Variants in SH3GLB2 observed in about 807,000 individuals in gnomAD.
SH3GLB2 encodes the protein SH3 domain containing GRB2 like, endophilin B2.
Under a neutral mutation model 48.0 loss-of-function variants are expected in SH3GLB2, and 24 were observed. The observed-to-expected ratio is 0.50, with a 90% confidence interval of 0.36 to 0.70. The LOEUF (loss-of-function observed/expected upper bound fraction) is 0.70, where lower values mean the gene tolerates loss of function less well. SH3GLB2 is among the 30% of genes least tolerant of loss of function. The pLI, the probability that SH3GLB2 is intolerant of heterozygous loss-of-function variation, is 0.00. For missense variants in SH3GLB2, 425 were observed against 516.0 expected, an observed-to-expected ratio of 0.82 and a Z score of 1.71; for synonymous variants, 227 against 207.6, an observed-to-expected ratio of 1.09 and a Z score of -0.80.
At chr9:129,015,837 C>A in intron 3 of SH3GLB2, 1 of 353,278 alleles carries the variant, frequency 2.8e-6, no homozygotes, top group Non-Finnish European at 5.7e-6. Flanking sequence ...CACTGCACTC[C>A]AGTCTGGGTG....
chr9:129,009,438 G>A (rs1842971749), intron 9 of SH3GLB2, 92 bp from the exon 10 acceptor site: 1 of 1,549,874 alleles, frequency 6.5e-7, no homozygotes, highest in African/African-American at 1.4e-5. Context: ...CCCCACTCCA[G>A]CCCCGGCTAC....
chr9:129,008,833 G>T, intron 10 of SH3GLB2, 42 bp from the exon 11 acceptor site: 3 of 1,570,924 alleles, frequency 1.9e-6, no homozygotes, highest in Non-Finnish European at 2.6e-6. Context: ...CCTGGCCAAG[G>T]GTGGAACTGG....
intron 5 of SH3GLB2, chr9:129,013,151 C>T (rs1274554933): frequency 1.1e-6 from 1 of 918,396 alleles, no homozygotes; most frequent in Non-Finnish European, 1.7e-6. Context: ...GAGGGAGGCA[C>T]CACAGCCTGC....
intron 2 of SH3GLB2, 80 bp from the exon 3 acceptor site, chr9:129,021,299 C>T (rs1295665607): frequency 1.8e-5 from 26 of 1,465,864 alleles, no homozygotes; most frequent in Non-Finnish European, 2.3e-5. Context: ...CCAGACCCGG[C>T]CCTGCCCACA....
chr9:129,024,068 T>A (rs1015313905), intron 1 of SH3GLB2, among the ~76,000 whole-genome samples: 1 of 152,150 alleles, frequency 6.6e-6, no homozygotes, highest in Non-Finnish European at 1.5e-5. Context: ...CATTGGCTAT[T>A]TGGCCAGCAC....
chr9:129,025,542 G>A (rs966948344), intron 1 of SH3GLB2, among the ~76,000 whole-genome samples: 4 of 150,970 alleles, frequency 2.6e-5, no homozygotes, highest in African/African-American at 9.8e-5. Flanking sequence ...CTCCAGCCTC[G>A]GCGACAGGAT....
chr9:129,027,970 GC>G, intron 1 of SH3GLB2, 121 bp downstream of exon 1: 1 of 908,528 alleles, frequency 1.1e-6, no homozygotes. Flanking sequence ...GAGGTGTGCC[GC>G]GGCGGGGACG....
rs980813589 is a variant in SH3GLB2 at position 129,008,870 on chromosome 9, G to A, written c.1081-79C>T. The stretch of plus-strand genomic sequence containing the variant: ...CCCAGGACTAAGTGGGGACAGAGCT[G>A]CCACCTCCCCATGGCCCGTGGCATG... On this transcript the variant is annotated intron_variant, in intron 10 of 10. Coordinates refer to ENST00000372564, the MANE Select transcript of SH3GLB2 (RefSeq NM_020145.4). 6 of 1,409,714 alleles carry A rather than the reference G, an allele frequency of 4.3e-6. No individual in the cohort carries two copies. The African/African-American group carries it at 5.6e-5, about 13-fold the overall frequency. The allele number at this position is 1,409,714 out of a possible 1,614,324, so 87.3% of individuals were successfully genotyped here.
rs1216374121 is a variant in SH3GLB2, at chr9:129,014,860, C to T, written c.379G>A (p.Ala127Thr). The T allele has an allele frequency of 1.9e-6, 3 of 1,613,996 alleles. No homozygotes were observed. Among genetic ancestry groups the T allele is most frequent in the African/African-American group, 2.7e-5 (2 of 74,898 alleles). The change falls in exon 4 of 11, where the codon GCC (alanine) becomes ACC (threonine). Residue 127 changes from alanine (A) to threonine (T), a missense_variant. By Grantham distance (58) the Ala-to-Thr change is moderately conservative. Coordinates refer to ENST00000372564, the MANE Select transcript of SH3GLB2 (RefSeq NM_020145.4). The surrounding 1 kb of genome is among the most constrained non-coding windows in gnomAD (Gnocchi z 4.1). ...KVAEAEKQLG[A>T]AERDFIHTAS... Reference sequence around the variant, plus strand: ...GTGTGGATAAAATCCCTCTCCGCGGCTCCCAGTTGCTTTTCAGCTTCTGCC... The same window carrying T: ...GTGTGGATAAAATCCCTCTCCGCGGTTCCCAGTTGCTTTTCAGCTTCTGCC...
rs1046876182 is a variant in SH3GLB2 at position 129,014,197 on chromosome 9, C to G, written c.561+214G>C. On this transcript the variant is annotated intron_variant, in intron 5 of 10. Coordinates refer to ENST00000372564, the MANE Select transcript of SH3GLB2 (RefSeq NM_020145.4). The surrounding 1 kb of genome is among the most constrained non-coding windows in gnomAD (Gnocchi z 4.1). ...GGGGGCACTGCTGGTCCGCCCACACCGTAGATATCTCCCTGGGAACCAGAG... is the reference window on the plus strand; with the variant it reads ...GGGGGCACTGCTGGTCCGCCCACACGGTAGATATCTCCCTGGGAACCAGAG... Among the ~76,000 whole-genome samples the G allele has an allele frequency of 6.6e-6, 1 of 152,030 alleles. No individual in the cohort carries two copies. Among genetic ancestry groups the G allele is most frequent in the Non-Finnish European group, 1.5e-5 (1 of 67,992 alleles).
At position 129,014,661 on chromosome 9, in the gene SH3GLB2, A is replaced by G; in HGVS notation, c.468+110T>C. 6.6e-7 allele frequency: 1 copy of G among 1,517,772 alleles called. No homozygotes were observed. Among genetic ancestry groups the G allele is most frequent in the Admixed American group, 1.9e-5 (1 of 51,466 alleles). 94.0% of individuals were successfully genotyped at this position (1,517,772 alleles called of 1,614,324 possible). Reference sequence around the variant, plus strand: ...CAGTCCAAAGGAGCCCTCTCTGGGGAGGCCTCAGGAGTTTTGTAGCCCCAG... The same window carrying G: ...CAGTCCAAAGGAGCCCTCTCTGGGGGGGCCTCAGGAGTTTTGTAGCCCCAG... On this transcript the variant is annotated intron_variant, in intron 4 of 10. Coordinates refer to ENST00000372564, the MANE Select transcript of SH3GLB2 (RefSeq NM_020145.4). The surrounding 1 kb of genome is among the most constrained non-coding windows in gnomAD (Gnocchi z 4.1).
chr9:129,007,296 C>G lies in SH3GLB2; in HGVS notation c.*1388G>C, dbSNP rs983524352. The G allele has an allele frequency of 6.6e-6, 1 of 151,368 alleles. No individual in the cohort carries two copies. Among genetic ancestry groups the G allele is most frequent in the Non-Finnish European group, 1.5e-5 (1 of 67,416 alleles). The allele number at this position is 151,368 out of a possible 1,614,324, so 9.4% of individuals were successfully genotyped here. On this transcript the variant is annotated 3_prime_UTR_variant, in exon 11 of 11. Coordinates refer to ENST00000372564, the MANE Select transcript of SH3GLB2 (RefSeq NM_020145.4). ...CTGGGTGGGCGCTGTCAGATATTCC[C>G]TTCCTTGGCCTGCGCTGGTCCTGTC...
In SH3GLB2 at chr9:129,007,221, G is replaced by A. The variant is rs1414615967; in HGVS notation, c.*1463C>T. ...CGGGGGAAGGCAGGTACTGATGGATGGCTAGTTCACCAGCATCTCCTCATT... is the reference window on the plus strand; with the variant it reads ...CGGGGGAAGGCAGGTACTGATGGATAGCTAGTTCACCAGCATCTCCTCATT... On this transcript the variant is annotated 3_prime_UTR_variant, in exon 11 of 11. Coordinates refer to ENST00000372564, the MANE Select transcript of SH3GLB2 (RefSeq NM_020145.4). The A allele has an allele frequency of 1.3e-5, 2 of 152,264 alleles. No homozygotes were observed. Among genetic ancestry groups the A allele is most frequent in the African/African-American group, 4.8e-5 (2 of 41,424 alleles). 9.4% of individuals were successfully genotyped at this position (152,264 alleles called of 1,614,324 possible). A position where few individuals can be genotyped will look rare whatever the true frequency, so the allele number is the denominator to read the frequency against.
intron 3 of SH3GLB2, among the ~76,000 whole-genome samples, chr9:129,018,569 T>C (rs1345607737): frequency 7.0e-6 from 1 of 142,386 alleles, no homozygotes; most frequent in African/African-American, 2.7e-5. Context: ...AGAGAGAGAC[T>C]CCGTCTCAAA....
chr9:129,016,820 C>A (rs928055762), intron 3 of SH3GLB2, among the ~76,000 whole-genome samples: 1 of 151,970 alleles, frequency 6.6e-6, no homozygotes, highest in African/African-American at 2.4e-5. Context: ...ATGAAAGAGT[C>A]AATTCATCAG....
Position 129,024,331 on chromosome 9 carries a change from G to A in SH3GLB2, c.64-1908C>T, listed in dbSNP as rs187177431. Among the ~76,000 whole-genome samples the A allele has an allele frequency of 2.1e-3, 313 of 151,626 alleles. 2 individuals are homozygous for A. The highest frequency in any genetic ancestry group is 9.0e-3 in the Admixed American group (137 of 15,170). On this transcript the variant is annotated intron_variant, in intron 1 of 10. Coordinates refer to ENST00000372564, the MANE Select transcript of SH3GLB2 (RefSeq NM_020145.4). ...AATCCCAGCACTTTGGGAGGCCAAG[G>A]CAGGCGGATCACGAGGTCAGGAGAT...
chr9:129,012,768 G>C, intron 5 of SH3GLB2: 1 of 580,568 alleles, frequency 1.7e-6, no homozygotes, highest in Admixed American at 3.0e-5. Flanking sequence ...AATGAAGGTG[G>C]ACAGATGGAT....
At position 129,014,431 on chromosome 9, in the gene SH3GLB2, C is replaced by T; in HGVS notation, c.541G>A (p.Ala181Thr). The change falls in exon 5 of 11, where the codon GCT becomes ACT. Residue 181 changes from alanine (A) to threonine (T), a missense_variant. Physicochemically the swap from Ala to Thr is moderately conservative, Grantham distance 58. Transcript: ENST00000372564. The surrounding 1 kb of genome is among the most constrained non-coding windows in gnomAD (Gnocchi z 4.1). Reference protein sequence around the residue: ...ACKARLKKAKAAEAKATTVPD... With the variant: ...ACKARLKKAKTAEAKATTVPD... Reference sequence around the variant, plus strand: ...CCTACCGTGGCTTTGGCTTCTGCAGCCTTGGCCTTCTTCAGCCTCGCTTTG... The same window carrying T: ...CCTACCGTGGCTTTGGCTTCTGCAGTCTTGGCCTTCTTCAGCCTCGCTTTG... 1 of 1,550,232 alleles carries T rather than the reference C, an allele frequency of 6.5e-7. No individual in the cohort carries two copies. Among genetic ancestry groups the T allele is most frequent in the Non-Finnish European group, 8.7e-7 (1 of 1,147,076 alleles).
chr9:129,028,278 C>A lies in SH3GLB2; in HGVS notation c.-124G>T, dbSNP rs1844286778. 3.4e-6 allele frequency: 2 copies of A among 586,022 alleles called. No homozygotes were observed. The highest frequency in any genetic ancestry group is 4.3e-6 in the Non-Finnish European group (2 of 467,404). The allele number at this position is 586,022 out of a possible 1,614,324, so 36.3% of individuals were successfully genotyped here. A position where few individuals can be genotyped will look rare whatever the true frequency, so the allele number is the denominator to read the frequency against. ...ACCAGCCCTCCGCGCACCCGCCTGC[C>A]GGCCTGCCCGCCTGCCCGCCCGCCG... is the stretch of plus-strand genomic sequence containing the variant. On this transcript the variant is annotated 5_prime_UTR_variant, in exon 1 of 11. Coordinates refer to ENST00000372564, the MANE Select transcript of SH3GLB2 (RefSeq NM_020145.4).
Sources: gnomAD v4.1 joint callset for allele counts (sites outside exome capture counted in the v4.1 genomes callset) on GRCh38, gnomAD v4.1.1 for gene constraint, Gnocchi (gnomAD v3.1) non-coding constraint, MANE v1.5 for transcripts, NCBI Gene and HGNC (gene_info 2026-07-23, HGNC 2026-07-21) for gene names.